ATP6AP2: variants seen among roughly 807,000 people sequenced by gnomAD.
The protein encoded by ATP6AP2 is ATPase H+ transporting accessory protein 2.
Under a neutral mutation model 23.4 loss-of-function variants are expected in ATP6AP2, and 1 was observed. The observed-to-expected ratio is 0.04, with a 90% CI of 0.02 to 0.20. The LOEUF (loss-of-function observed/expected upper bound fraction) is 0.20, where lower values mean the gene tolerates loss of function less well. ATP6AP2 is among the 10% of genes least tolerant of loss of function. The pLI is 1.00. For missense variants in ATP6AP2, 174 were observed against 271.3 expected, an observed-to-expected ratio of 0.64 and a Z score of 2.52; for synonymous variants, 90 against 97.1, an observed-to-expected ratio of 0.93 and a Z score of 0.43.
At chrX:40,591,425 C>T in intron 3 of ATP6AP2, 60 bp downstream of exon 3, 1 of 1,113,105 alleles carries the variant, frequency 9.0e-7, no homozygotes. Flanking sequence ...TGTCAGCTGT[C>T]ATTATGAATT....
At chrX:40,601,869 A>G (rs1415373885) in intron 8 of ATP6AP2, among the ~76,000 whole-genome samples, 1 of 112,533 alleles carries the variant, frequency 8.9e-6, no homozygotes, top group African/African-American at 3.2e-5. Flanking sequence ...TTCTTTCTAA[A>G]TTAAATTGGG....
Position 40,600,818 on chromosome X carries a change from T to C in ATP6AP2, c.795T>C (p.Thr265=). 1 of 1,206,964 alleles carries C rather than the reference T, an allele frequency of 8.3e-7. No individual in the cohort carries two copies. Among genetic ancestry groups the C allele is most frequent in the African/African-American group, 1.7e-5 (1 of 57,628 alleles). The part of the protein sequence containing the change: ...YGGNAVVELV[T]VKSFDTSLIR... ...GGAATGCAGTGGTAGAGTTAGTCAC[T>C]GTCAAGTCATTTGACACCTCCCTCA... The change falls in exon 8 of 9, where the codon ACT becomes ACC. Residue 265 remains threonine (T), a synonymous_variant. Coordinates refer to ENST00000636580, the MANE Select transcript of ATP6AP2 (RefSeq NM_005765.3).
At chrX:40,604,354 A>AG (rs1450109293) in intron 8 of ATP6AP2, among the ~76,000 whole-genome samples, 1 of 111,567 alleles carries the variant, frequency 9.0e-6, no homozygotes, top group Non-Finnish European at 1.9e-5. Context: ...GGGAGGCCTT[A>AG]GGAAACTTAC....
Position 40,581,077 on chromosome X carries a change from TGTC to T in ATP6AP2, c.15_17del (p.Val6del). The T allele has an allele frequency of 8.6e-7, 1 of 1,163,506 alleles. No individual in the cohort carries two copies. The highest frequency in any genetic ancestry group is 1.1e-6 in the Non-Finnish European group (1 of 871,552). The stretch of plus-strand genomic sequence containing the variant: ...GCCGCCGCGGCACCATGGCTGTGTT[TGTC>T]GTGCTCCTGGCGTTGGTGGCGGGTG... On this transcript the variant is annotated inframe_deletion, in exon 1 of 9. Coordinates refer to ENST00000636580, the MANE Select transcript of ATP6AP2 (RefSeq NM_005765.3).
chrX:40,589,185 C>T lies in ATP6AP2; in HGVS notation c.168+69C>T, dbSNP rs183587366. ...ATTTTTACTGATTTCTGCTAATAGC[C>T]CAAAAAAGCATCAAACGAACGTAGG... is the stretch of plus-strand genomic sequence containing the variant. On this transcript the variant is annotated intron_variant, in intron 2 of 8. Coordinates refer to ENST00000636580, the MANE Select transcript of ATP6AP2 (RefSeq NM_005765.3). 79 of 1,131,082 alleles carry T rather than the reference C, an allele frequency of 7.0e-5. No individual in the cohort carries two copies. The East Asian group carries it at 2.2e-3, about 32-fold the overall frequency. 93.2% of individuals were successfully genotyped at this position (1,131,082 alleles called of 1,213,427 possible).
intron 6 of ATP6AP2, chrX:40,599,377 A>T (rs1028918164): frequency 4.7e-6 from 2 of 429,327 alleles, no homozygotes; most frequent in African/African-American, 5.0e-5. Flanking sequence ...GGAGTCTTGT[A>T]CTGCTCCTAA....
chrX:40,582,077 G>A (rs910766689), intron 1 of ATP6AP2, among the ~76,000 whole-genome samples: 4 of 111,943 alleles, frequency 3.6e-5, no homozygotes, highest in African/African-American at 1.3e-4. Context: ...GTGAACAAGA[G>A]GCCAAGTTGA....
chrX:40,592,699 T>C (rs1926663025), intron 3 of ATP6AP2, among the ~76,000 whole-genome samples: 1 of 112,024 alleles, frequency 8.9e-6, no homozygotes, highest in African/African-American at 3.2e-5. Context: ...TTCTAATTTT[T>C]AAATTTCTAA....
intron 2 of ATP6AP2, chrX:40,589,365 C>A: frequency 3.3e-6 from 1 of 303,549 alleles, no homozygotes; most frequent in East Asian, 5.7e-5. Flanking sequence ...AGACTCCCAT[C>A]TCAAAAATAA....
intron 1 of ATP6AP2, among the ~76,000 whole-genome samples, chrX:40,584,797 C>CG (rs961999442): frequency 9.0e-6 from 1 of 111,376 alleles, no homozygotes; most frequent in African/African-American, 3.3e-5. Context: ...TTGGTAGAGA[C>CG]GGGGTTTCAC....
rs758629476 is a variant in ATP6AP2, at chrX:40,585,431, G to A, written c.38-3555G>A. On this transcript the variant is annotated intron_variant, in intron 1 of 8. Transcript: ENST00000636580. ...GGAAAACCAGGAGCCGTGGCTGCAT[G>A]AAGACCAAAGCAGGGGCTTTTCAAG... is the stretch of plus-strand genomic sequence containing the variant. Among the ~76,000 whole-genome samples, 3 of 111,877 alleles carry A rather than the reference G, an allele frequency of 2.7e-5. No individual in the cohort carries two copies. The East Asian group carries it at 8.4e-4, about 31-fold the overall frequency.
rs5963810 is a variant in ATP6AP2 at position 40,600,597 on chromosome X, A to C, written c.739-165A>C. 29,197 of 433,269 alleles carry C rather than the reference A, an allele frequency of 0.067. 3,342 individuals carry two copies. Among genetic ancestry groups the C allele is most frequent in the African/African-American group, 0.4 (16,082 of 39,915 alleles). The allele number at this position is 433,269 out of a possible 1,213,427, so 35.7% of individuals were successfully genotyped here. On this transcript the variant is annotated intron_variant, in intron 7 of 8. Coordinates refer to ENST00000636580, the MANE Select transcript of ATP6AP2 (RefSeq NM_005765.3). Reference sequence around the variant, plus strand: ...CTGCATAAAATGATAAGTAGGAGGTAATGCATATGTTAATTAGCCAATGTG... The same window carrying C: ...CTGCATAAAATGATAAGTAGGAGGTCATGCATATGTTAATTAGCCAATGTG...
At chrX:40,583,113 A>T (rs1926371086) in intron 1 of ATP6AP2, among the ~76,000 whole-genome samples, 1 of 112,418 alleles carries the variant, frequency 8.9e-6, no homozygotes, top group Non-Finnish European at 1.9e-5. Flanking sequence ...GAGGAAGGGA[A>T]CTAGGATTTT....
In ATP6AP2 at chrX:40,605,944, T is replaced by A; in HGVS notation, c.*189T>A. ...ATTATAGTATTGACGTGAATCCCAC[T>A]GTGGTATAGATTCCATAATATGCTT... On this transcript the variant is annotated 3_prime_UTR_variant, in exon 9 of 9. Coordinates refer to ENST00000636580, the MANE Select transcript of ATP6AP2 (RefSeq NM_005765.3). The A allele has an allele frequency of 2.4e-6, 1 of 423,033 alleles. No individual in the cohort carries two copies. Among genetic ancestry groups the A allele is most frequent in the Admixed American group, 4.3e-5 (1 of 23,273 alleles). 34.9% of individuals were successfully genotyped at this position (423,033 alleles called of 1,213,427 possible).
Position 40,600,791 on chromosome X carries a change from T to C in ATP6AP2, c.768T>C (p.Gly256=). The change falls in exon 8 of 9, where the codon GGT becomes GGC. Residue 256 remains glycine, a synonymous_variant. Coordinates refer to ENST00000636580, the MANE Select transcript of ATP6AP2 (RefSeq NM_005765.3). The part of the protein sequence containing the change: ...KFADDMYSLY[G]GNAVVELVTV... ...CAGATGACATGTACAGTCTTTATGG[T>C]GGGAATGCAGTGGTAGAGTTAGTCA... is the stretch of plus-strand genomic sequence containing the variant. The C allele has an allele frequency of 8.3e-7, 1 of 1,207,474 alleles. No individual in the cohort carries two copies. The highest frequency in any genetic ancestry group is 1.1e-6 in the Non-Finnish European group (1 of 892,072).
chrX:40,591,503 C>T, intron 3 of ATP6AP2, 138 bp downstream of exon 3: 1 of 790,853 alleles, frequency 1.3e-6, no homozygotes, highest in African/African-American at 2.1e-5. Flanking sequence ...TTGACAAACA[C>T]AATTTCTTTT....
At chrX:40,588,348 CCA>C (rs1926534300) in intron 1 of ATP6AP2, among the ~76,000 whole-genome samples, 1 of 69,639 alleles carries the variant, frequency 1.4e-5, no homozygotes, top group Admixed American at 2.1e-4. Flanking sequence ...CCCCCCCCCC[CCA>C]ACATTTGACA....
intron 3 of ATP6AP2, among the ~76,000 whole-genome samples, chrX:40,594,033 G>A (rs1275838812): frequency 9.0e-6 from 1 of 110,940 alleles, no homozygotes; most frequent in Non-Finnish European, 1.9e-5. Context: ...AAATAATAAT[G>A]CATTGTGTAT....
intron 1 of ATP6AP2, among the ~76,000 whole-genome samples, chrX:40,581,761 A>G (rs1209893841): frequency 8.9e-6 from 1 of 111,845 alleles, no homozygotes; most frequent in African/African-American, 3.3e-5. Flanking sequence ...TCTGAGTAGA[A>G]CCTAGATTCC....
Sources: gnomAD v4.1 joint callset for allele counts (sites outside exome capture counted in the v4.1 genomes callset) on GRCh38, gnomAD v4.1.1 for gene constraint, MANE v1.5 for transcripts, NCBI Gene and HGNC (gene_info 2026-07-23, HGNC 2026-07-21) for gene names.